The following SPATA6 variants were observed in gnomAD, a reference collection of about 807,000 sequenced individuals.
SPATA6 encodes spermatogenesis associated 6, also known as spermatogenesis-associated protein 6.
A neutral mutation model predicts 65.3 loss-of-function variants in SPATA6; 56 were observed. The ratio of observed to expected loss-of-function variants is 0.86; its 90% CI spans 0.69 to 1.07. The LOEUF is 1.07. Among genes scored for constraint, SPATA6 ranks in the 50% least tolerant of loss-of-function variants. The pLI is 0.00. For missense variants in SPATA6, 590 were observed against 594.8 expected, an observed-to-expected ratio of 0.99 and a Z score of 0.08; for synonymous variants, 199 against 213.2, an observed-to-expected ratio of 0.93 and a Z score of 0.58.
At chr1:48,313,221 C>A (rs184758063) in intron 11 of SPATA6, among the ~76,000 whole-genome samples, 2 of 152,270 alleles carry the variant, frequency 1.3e-5, no homozygotes, top group East Asian at 3.9e-4. Flanking sequence ...TCGAGAAGAG[C>A]AACTCCAAGA....
rs757932180 is a variant in SPATA6 at position 48,452,980 on chromosome 1, A to G, written c.189+14T>C. 2 of 1,608,380 alleles carry G rather than the reference A, an allele frequency of 1.2e-6. No individual in the cohort carries two copies. The highest frequency in any genetic ancestry group is 1.1e-5 in the South Asian group (1 of 89,376). ...GTTTTGTTTGTTAATACTTGATCTGATATTTGAACTCACCTTTTCAAACAC... is the reference window on the plus strand; with the variant it reads ...GTTTTGTTTGTTAATACTTGATCTGGTATTTGAACTCACCTTTTCAAACAC... On this transcript the variant is annotated intron_variant, in intron 2 of 12. Transcript: ENST00000371847.
intron 1 of SPATA6, among the ~76,000 whole-genome samples, chr1:48,467,836 T>C (rs1302283021): frequency 6.6e-6 from 1 of 152,066 alleles, no homozygotes. Context: ...AAAAATATAA[T>C]AAGATATGCC....
chr1:48,276,759 T>A, the SPATA6 span, among the ~76,000 whole-genome samples: 1 of 152,212 alleles, frequency 6.6e-6, no homozygotes, highest in African/African-American at 2.4e-5. Context: ...AATTATGTGG[T>A]CAATTTTAGA....
chr1:48,292,528 T>G (rs930410532), downstream of SPATA6, among the ~76,000 whole-genome samples: 5 of 152,008 alleles, frequency 3.3e-5, no homozygotes, highest in East Asian at 9.7e-4. Flanking sequence ...AACAGGAGGG[T>G]TGGTGGCAAG....
chr1:48,359,756 G>C lies in SPATA6; in HGVS notation c.924C>G (p.Pro308=). The change falls in exon 10 of 13, where the codon CCC becomes CCG. Residue 308 remains proline (P), a synonymous_variant. Transcript: ENST00000371847. ...AAGAGTCATCGAAGTCTCTCCCATG[G>C]GGTGTCCTGATAACCTGTTTTAAAA... ...RPKDYKVIRT[P]HGRDFDDSLE... is the part of the protein sequence containing the mutation. The C allele has an allele frequency of 6.2e-7, 1 of 1,611,482 alleles. No individual in the cohort carries two copies. The highest frequency in any genetic ancestry group is 1.1e-5 in the South Asian group (1 of 90,818).
At chr1:48,295,242 T>C (rs776921352), downstream of SPATA6, 5 of 152,278 alleles carry the variant, frequency 3.3e-5, no homozygotes, top group South Asian at 4.1e-4. Context: ...CCTAGATGTA[T>C]ACTCAAGGGA....
chr1:48,422,834 T>G (rs1218549588), intron 3 of SPATA6, among the ~76,000 whole-genome samples: 1 of 152,166 alleles, frequency 6.6e-6, no homozygotes, highest in African/African-American at 2.4e-5. Context: ...ACCCTATGAT[T>G]CAGAAATTTC....
chr1:48,349,611 T>C (rs1646463417), intron 11 of SPATA6, among the ~76,000 whole-genome samples: 2 of 151,876 alleles, frequency 1.3e-5, no homozygotes, highest in Admixed American at 1.3e-4. Context: ...ATCATAACAG[T>C]TCCTGAAACC....
chr1:48,434,361 G>GA lies in SPATA6; in HGVS notation c.238+17190dup, dbSNP rs75486051. Among the ~76,000 whole-genome samples, 2,984 of 151,510 alleles carry GA rather than the reference G, an allele frequency of 0.02. 119 individuals carry two copies. The East Asian group carries it at 0.2, about 10-fold the overall frequency. On this transcript the variant is annotated intron_variant, in intron 3 of 12. Coordinates refer to ENST00000371847, the MANE Select transcript of SPATA6 (RefSeq NM_019073.4). ...ATAAATAATATGTCAGTGCTAGAAAGAAAAACAGTAGAACCATTCATTCCA... is the reference window on the plus strand; with the variant it reads ...ATAAATAATATGTCAGTGCTAGAAAGAAAAAACAGTAGAACCATTCATTCCA...
At chr1:48,400,699 G>A in intron 6 of SPATA6, 1 of 1,087,006 alleles carries the variant, frequency 9.2e-7, no homozygotes, top group South Asian at 1.5e-5. Context: ...TGGATACACA[G>A]AAAAGAAAAT....
At chr1:48,446,125 A>G (rs1444131991) in intron 3 of SPATA6, among the ~76,000 whole-genome samples, 7 of 152,194 alleles carry the variant, frequency 4.6e-5, no homozygotes, top group African/African-American at 7.2e-5. Context: ...TAGCAGGTAG[A>G]AAAGCAGCCA....
chr1:48,384,668 A>G (rs930158149), intron 9 of SPATA6, among the ~76,000 whole-genome samples: 1 of 152,180 alleles, frequency 6.6e-6, no homozygotes, highest in African/African-American at 2.4e-5. Flanking sequence ...TTCTCTTTCA[A>G]TAAGAAATGC....
intron 1 of SPATA6, among the ~76,000 whole-genome samples, chr1:48,463,238 C>T (rs1430959555): frequency 6.6e-6 from 1 of 152,116 alleles, no homozygotes; most frequent in African/African-American, 2.4e-5. Flanking sequence ...ATAGTATATC[C>T]TATTGGTTCT....
At chr1:48,429,481 A>T (rs1654203724) in intron 3 of SPATA6, among the ~76,000 whole-genome samples, 1 of 152,190 alleles carries the variant, frequency 6.6e-6, no homozygotes. Context: ...ATCGAAAACA[A>T]TAACAAAAAA....
At chr1:48,304,907 C>G (rs1416279103) in intron 12 of SPATA6, among the ~76,000 whole-genome samples, 1 of 152,126 alleles carries the variant, frequency 6.6e-6, no homozygotes, top group Admixed American at 6.5e-5. Flanking sequence ...GTAAAAAATA[C>G]TCTTCCTCAG....
At chr1:48,333,258 C>A (rs1393589680) in intron 11 of SPATA6, among the ~76,000 whole-genome samples, 2 of 152,190 alleles carry the variant, frequency 1.3e-5, no homozygotes, top group Admixed American at 1.3e-4. Context: ...TTCTCCCATG[C>A]TGCATGCTTC....
At chr1:48,453,949 G>A (rs546841915) in intron 1 of SPATA6, among the ~76,000 whole-genome samples, 1 of 148,460 alleles carries the variant, frequency 6.7e-6, no homozygotes, top group South Asian at 2.1e-4. Context: ...AGTTTTAGGG[G>A]GAAAAAAAAG....
intron 12 of SPATA6, among the ~76,000 whole-genome samples, chr1:48,300,856 C>T (rs72891517): frequency 0.025 from 3,742 of 152,066 alleles, 99 homozygotes; most frequent in African/African-American, 0.067. Context: ...CAATACAATT[C>T]AACATCCACT....
intron 11 of SPATA6, among the ~76,000 whole-genome samples, chr1:48,335,107 AC>A (rs1278851419): frequency 4.6e-5 from 7 of 152,142 alleles, no homozygotes; most frequent in African/African-American, 1.4e-4. Context: ...AATGACAATT[AC>A]AAAACTGCTC....
Sources: gnomAD v4.1 joint callset for allele counts (sites outside exome capture counted in the v4.1 genomes callset) on GRCh38, gnomAD v4.1.1 for gene constraint, MANE v1.5 for transcripts, NCBI Gene and HGNC (gene_info 2026-07-23, HGNC 2026-07-21) for gene names.